The following CLUAP1 variants were observed in gnomAD, a reference collection of about 807,000 sequenced individuals.
CLUAP1 encodes the protein clusterin-associated protein 1.
Under a neutral mutation model 55.0 loss-of-function variants are expected in CLUAP1, and 50 were observed. That is an observed-to-expected ratio of 0.91 (90% confidence interval 0.72 to 1.15). CLUAP1 has a LOEUF of 1.15. Ranked by LOEUF, CLUAP1 falls within the 50% of genes most tolerant of loss-of-function variation. CLUAP1 has a pLI of 0.00. For synonymous variants in CLUAP1, 195 were observed against 175.4 expected (o/e 1.11, Z -0.88); for missense variants, 530 against 507.6 (o/e 1.04, Z -0.42).
upstream of CLUAP1, among the ~76,000 whole-genome samples, chr16:3,499,675 C>A (rs1428176815): frequency 6.6e-6 from 1 of 152,210 alleles, no homozygotes; most frequent in Non-Finnish European, 1.5e-5. Flanking sequence ...TCTGGATACA[C>A]GTCTCTTTAT....
intron 4 of CLUAP1, 135 bp downstream of exon 4, chr16:3,508,603 A>G (rs2037556083): frequency 1.4e-6 from 1 of 692,672 alleles, no homozygotes; most frequent in African/African-American, 1.9e-5. Flanking sequence ...TGTGCTCATC[A>G]GCATTTGGAT....
chr16:3,523,713 GC>G (rs2037883746), intron 8 of CLUAP1, among the ~76,000 whole-genome samples: 1 of 152,188 alleles, frequency 6.6e-6, no homozygotes, highest in Non-Finnish European at 1.5e-5. Context: ...TTAAAAGCTT[GC>G]TTGGCTTTGG....
At chr16:3,525,958 C>T (rs1054143249) in intron 8 of CLUAP1, among the ~76,000 whole-genome samples, 1 of 152,134 alleles carries the variant, frequency 6.6e-6, no homozygotes, top group Non-Finnish European at 1.5e-5. Context: ...CTTACCTGTC[C>T]CACCATTTAG....
chr16:3,526,408 A>T lies in CLUAP1; in HGVS notation c.856-4A>T. 1 of 1,598,472 alleles carries T rather than the reference A, an allele frequency of 6.3e-7. No homozygotes were observed. The highest frequency in any genetic ancestry group is 8.5e-7 in the Non-Finnish European group (1 of 1,174,798). On this transcript the variant is annotated splice_region_variant and splice_polypyrimidine_tract_variant and intron_variant, in intron 8 of 11. Coordinates refer to ENST00000576634, the MANE Select transcript of CLUAP1 (RefSeq NM_015041.3). ...CTCCTGAGTCTGTATTTCCTCTTCC[A>T]CAGGAAGCTAAAAACACTCTCTGCC... is the stretch of plus-strand genomic sequence containing the variant.
intron 10 of CLUAP1, among the ~76,000 whole-genome samples, chr16:3,531,090 G>A (rs1373506939): frequency 6.6e-6 from 1 of 152,208 alleles, no homozygotes; most frequent in Admixed American, 6.5e-5. Flanking sequence ...GCGCAGTGGT[G>A]CACACCTTAT....
chr16:3,509,730 C>G (rs1396416354), intron 4 of CLUAP1, among the ~76,000 whole-genome samples: 2 of 152,254 alleles, frequency 1.3e-5, no homozygotes, highest in African/African-American at 4.8e-5. Context: ...AGCTCCAAGT[C>G]TGCTGCAGGG....
upstream of CLUAP1, chr16:3,496,317 G>T: frequency 9.4e-7 from 1 of 1,063,604 alleles, no homozygotes; most frequent in Non-Finnish European, 1.4e-6. Flanking sequence ...CCGTCCAGAC[G>T]AACTAACTCC....
At chr16:3,532,910 C>A in intron 11 of CLUAP1, 69 bp downstream of exon 11, 1 of 1,554,878 alleles carries the variant, frequency 6.4e-7, no homozygotes, top group Non-Finnish European at 8.9e-7. Context: ...ATGGGAGTGG[C>A]TGAGTTGCTG....
chr16:3,529,758 A>T (rs1567440289), intron 9 of CLUAP1, among the ~76,000 whole-genome samples: 14 of 47,386 alleles, frequency 3.0e-4, no homozygotes, highest in South Asian at 2.0e-3. Flanking sequence ...ATATTATATA[A>T]TATATATTAT....
Position 3,514,570 on chromosome 16 carries a change from G to A in CLUAP1, c.496-938G>A, listed in dbSNP as rs536942601. On this transcript the variant is annotated intron_variant, in intron 5 of 11. Transcript: ENST00000576634. ...CTTGTCTTACTTTGTTCAGGCTGCC[G>A]TCCCAAAACACAATAAGCTGAGTGA... Among the ~76,000 whole-genome samples, 7 of 152,272 alleles carry A rather than the reference G, an allele frequency of 4.6e-5. No individual in the cohort carries two copies. The East Asian group carries it at 1.2e-3, about 25-fold the overall frequency.
chr16:3,529,572 ATATTATATAATATTATATAT>A (rs2038034084), intron 9 of CLUAP1, among the ~76,000 whole-genome samples: 1 of 46,456 alleles, frequency 2.2e-5, no homozygotes, highest in Non-Finnish European at 3.5e-5. Flanking sequence ...TATATATTAT[ATATTATATAATATTATATAT>A]TATTATATAT....
intron 4 of CLUAP1, among the ~76,000 whole-genome samples, chr16:3,508,834 G>A (rs2037560642): frequency 6.6e-6 from 1 of 152,118 alleles, no homozygotes; most frequent in African/African-American, 2.4e-5. Context: ...GATGGATGCT[G>A]CCCAGAGTGA....
At chr16:3,501,799 A>C (rs13330501) in intron 1 of CLUAP1, among the ~76,000 whole-genome samples, 23,736 of 152,028 alleles carry the variant, frequency 0.16, 2,235 homozygotes, top group South Asian at 0.28. Context: ...CAAAAAAAAA[A>C]CAACCAGCAA....
At chr16:3,504,894 G>C (rs1270146229) in intron 2 of CLUAP1, 63 bp downstream of exon 2, 2 of 988,068 alleles carry the variant, frequency 2.0e-6, no homozygotes, top group African/African-American at 1.6e-5. Context: ...TAGTCATCTA[G>C]AAAACAGGAC....
chr16:3,534,044 C>T (rs1046717877), intron 11 of CLUAP1: 8 of 152,224 alleles, frequency 5.3e-5, no homozygotes, highest in African/African-American at 1.2e-4. Flanking sequence ...CCATGCTTTA[C>T]GTGTTCAGGC....
intron 5 of CLUAP1, among the ~76,000 whole-genome samples, chr16:3,513,314 A>G (rs1025531231): frequency 1.3e-5 from 2 of 152,350 alleles, no homozygotes; most frequent in East Asian, 3.9e-4. Flanking sequence ...ACTTCCAGTC[A>G]GCTGAAGTTG....
chr16:3,511,593 C>G (rs566652888), intron 4 of CLUAP1, among the ~76,000 whole-genome samples: 3 of 152,302 alleles, frequency 2.0e-5, no homozygotes, highest in African/African-American at 7.2e-5. Flanking sequence ...CAGGCTGTCC[C>G]TTTGTGTGGC....
chr16:3,506,085 C>T (rs1192831481), intron 2 of CLUAP1, among the ~76,000 whole-genome samples: 3 of 152,200 alleles, frequency 2.0e-5, no homozygotes, highest in Non-Finnish European at 4.4e-5. Context: ...ATGGTGAGAT[C>T]TGAGAGAGAT....
chr16:3,508,293 C>A lies in CLUAP1; in HGVS notation c.224C>A (p.Thr75Asn), dbSNP rs190930845. Reference sequence around the variant, plus strand: ...TTTTTTTTGGTCTAAAAATAGGCCACCAAGGCACATATAAAACTCAACACT... The same window carrying A: ...TTTTTTTTGGTCTAAAAATAGGCCAACAAGGCACATATAAAACTCAACACT... The part of the protein sequence containing the change: ...FIKAIAQFMA[T>N]KAHIKLNTKK... The change falls in exon 4 of 12, where the codon ACC becomes AAC. Residue 75 changes from threonine to asparagine, a missense_variant. Thr to Asn is a moderately conservative substitution (Grantham distance 65). Transcript: ENST00000576634. 1 of 1,590,508 alleles carries A rather than the reference C, an allele frequency of 6.3e-7. No individual in the cohort carries two copies. The highest frequency in any genetic ancestry group is 8.5e-7 in the Non-Finnish European group (1 of 1,173,812).
Sources: gnomAD v4.1 joint callset for allele counts (sites outside exome capture counted in the v4.1 genomes callset) on GRCh38, gnomAD v4.1.1 for gene constraint, MANE v1.5 for transcripts, NCBI Gene and HGNC (gene_info 2026-07-23, HGNC 2026-07-21) for gene names.